The following CNTNAP5 variants were observed in gnomAD, a reference collection of about 807,000 sequenced individuals.
The protein encoded by CNTNAP5 is contactin-associated protein-like 5.
In CNTNAP5, 72 loss-of-function variants were observed where a neutral mutation model predicts 150.2. The ratio of observed to expected loss-of-function variants is 0.48; its 90% CI spans 0.40 to 0.58. The LOEUF (loss-of-function observed/expected upper bound fraction) is 0.58. Among genes scored for constraint, CNTNAP5 ranks in the 20% least tolerant of loss-of-function variants. The pLI, the probability that CNTNAP5 is intolerant of heterozygous loss-of-function variation, is 0.00. For synonymous variants in CNTNAP5, 672 were observed against 619.8 expected (o/e 1.08, Z -1.25); for missense variants, 1,636 against 1,626.2 (o/e 1.01, Z -0.10).
chr2:124,151,389 A>T (rs533347635), intron 1 of CNTNAP5, among the ~76,000 whole-genome samples: 2 of 152,226 alleles, frequency 1.3e-5, no homozygotes, highest in East Asian at 3.9e-4. Flanking sequence ...CTTCCTCATG[A>T]GCTTGCTTTC....
intron 3 of CNTNAP5, among the ~76,000 whole-genome samples, chr2:124,320,992 C>T (rs913917815): frequency 6.6e-6 from 1 of 152,122 alleles, no homozygotes; most frequent in Non-Finnish European, 1.5e-5. Flanking sequence ...AGAATGGAGT[C>T]GCTATGTTCC....
At position 124,919,434 on chromosome 2, in the gene CNTNAP5, G is replaced by A. The variant is rs561490878; in HGVS notation, c.*5146G>A. On this transcript the variant is annotated 3_prime_UTR_variant, in exon 24 of 24. Coordinates refer to ENST00000682447, the MANE Select transcript of CNTNAP5 (RefSeq NM_001367498.1). ...TGTTTATAGTCTACAAAATGGCTGA[G>A]CAGACATGAACAAAGGTTAATGCAA... Among the ~76,000 whole-genome samples, 3 of 152,222 alleles carry A rather than the reference G, an allele frequency of 2.0e-5. No homozygotes were observed. In the South Asian group the frequency reaches 6.2e-4, roughly 32 times the overall value.
At chr2:124,268,819 C>T (rs1687674983) in intron 3 of CNTNAP5, among the ~76,000 whole-genome samples, 1 of 152,170 alleles carries the variant, frequency 6.6e-6, no homozygotes, top group Non-Finnish European at 1.5e-5. Flanking sequence ...GAGAGTCCTT[C>T]ACAGGCCCAC....
intron 10 of CNTNAP5, among the ~76,000 whole-genome samples, chr2:124,550,817 A>T (rs1695611532): frequency 6.6e-6 from 1 of 152,084 alleles, no homozygotes; most frequent in Non-Finnish European, 1.5e-5. Flanking sequence ...TCCTTTGTGA[A>T]TTTTTTGATA....
intron 13 of CNTNAP5, among the ~76,000 whole-genome samples, chr2:124,711,805 C>T (rs1015176786): frequency 6.6e-6 from 1 of 152,038 alleles, no homozygotes; most frequent in Non-Finnish European, 1.5e-5. Context: ...AGTGTCACTG[C>T]GCTCCAGCAT....
At chr2:124,379,716 C>T (rs1388997236) in intron 3 of CNTNAP5, among the ~76,000 whole-genome samples, 3 of 152,106 alleles carry the variant, frequency 2.0e-5, no homozygotes, top group East Asian at 1.9e-4. Flanking sequence ...GGTCTGGCAG[C>T]GCCCTCACAA....
At chr2:124,882,921 C>T (rs561088906) in intron 21 of CNTNAP5, among the ~76,000 whole-genome samples, 1 of 152,104 alleles carries the variant, frequency 6.6e-6, no homozygotes, top group African/African-American at 2.4e-5. Context: ...TGTGAACTAA[C>T]TCACTATCAC....
At chr2:124,153,345 T>G (rs1161466803) in intron 1 of CNTNAP5, among the ~76,000 whole-genome samples, 1 of 152,156 alleles carries the variant, frequency 6.6e-6, no homozygotes, top group Non-Finnish European at 1.5e-5. Context: ...CTTGCTGGGT[T>G]CAGATGCTGA....
At chr2:124,685,762 G>GTGTGCA (rs1553431542) in intron 13 of CNTNAP5, among the ~76,000 whole-genome samples, 3 of 73,526 alleles carry the variant, frequency 4.1e-5, no homozygotes, top group Non-Finnish European at 6.9e-5. Flanking sequence ...GTGTGTGTGT[G>GTGTGCA]CGCGCGCGTG....
intron 3 of CNTNAP5, among the ~76,000 whole-genome samples, chr2:124,360,475 C>T (rs1690167690): frequency 7.1e-6 from 1 of 141,300 alleles, no homozygotes; most frequent in Non-Finnish European, 1.6e-5. Flanking sequence ...TTTAGCACTT[C>T]CTTCAGGAGC....
chr2:124,370,506 G>A (rs1317228183), intron 3 of CNTNAP5, among the ~76,000 whole-genome samples: 7 of 152,166 alleles, frequency 4.6e-5, no homozygotes, highest in Admixed American at 1.3e-4. Context: ...AACAGCTCTG[G>A]ACAGCAACTT....
rs565598083 is a variant in CNTNAP5 at position 124,489,584 on chromosome 2, A to G, written c.1062+14702A>G. ...CAGTCCACAACAATTAGACTCTGCA[A>G]ACCATCTAAAGAGCTTGTGTGAGCA... On this transcript the variant is annotated intron_variant, in intron 7 of 23. Transcript: ENST00000682447. Among the ~76,000 whole-genome samples, 60 of 152,308 alleles carry G rather than the reference A, an allele frequency of 3.9e-4. No homozygotes were observed. In the Middle Eastern group the frequency reaches 0.014, roughly 35 times the overall value.
chr2:124,236,437 C>T (rs1686748467), intron 2 of CNTNAP5, among the ~76,000 whole-genome samples: 1 of 152,180 alleles, frequency 6.6e-6, no homozygotes, highest in Non-Finnish European at 1.5e-5. Context: ...CTTGCCCAGC[C>T]ACAGGTCCTA....
At chr2:124,365,376 C>G (rs140531546) in intron 3 of CNTNAP5, among the ~76,000 whole-genome samples, 32 of 151,312 alleles carry the variant, frequency 2.1e-4, no homozygotes, top group African/African-American at 6.5e-4. Flanking sequence ...TTGCGGGAAT[C>G]TTTGCATATA....
At chr2:124,624,893 G>A (rs897329911) in intron 12 of CNTNAP5, among the ~76,000 whole-genome samples, 3 of 152,282 alleles carry the variant, frequency 2.0e-5, no homozygotes, top group African/African-American at 7.2e-5. Context: ...TAGGCACCAT[G>A]CTAGGTATTT....
intron 17 of CNTNAP5, among the ~76,000 whole-genome samples, chr2:124,788,661 C>T (rs887415655): frequency 1.3e-5 from 2 of 148,386 alleles, no homozygotes; most frequent in Non-Finnish European, 3.0e-5. Context: ...AATGCAATGG[C>T]ATGATCTCGG....
chr2:124,499,680 C>A (rs774440266), intron 7 of CNTNAP5, among the ~76,000 whole-genome samples: 3 of 152,196 alleles, frequency 2.0e-5, no homozygotes, highest in African/African-American at 4.8e-5. Context: ...ATGGGAACCA[C>A]ACTTGCCCCT....
rs554243307 is a variant in CNTNAP5 at position 124,405,755 on chromosome 2, T to G, written c.382-11688T>G. Among the ~76,000 whole-genome samples the G allele has an allele frequency of 2.6e-5, 4 of 152,352 alleles. No homozygotes were observed. In the East Asian group the frequency reaches 7.7e-4, roughly 29 times the overall value. On this transcript the variant is annotated intron_variant, in intron 3 of 23. Coordinates refer to ENST00000682447, the MANE Select transcript of CNTNAP5 (RefSeq NM_001367498.1). Reference sequence around the variant, plus strand: ...GCTTAGGTCTGCCTAGTTTAGAATTTTATATGCATGGAATCGTGCTGTTTG... The same window carrying G: ...GCTTAGGTCTGCCTAGTTTAGAATTGTATATGCATGGAATCGTGCTGTTTG...
At chr2:124,362,310 C>T (rs1216222716) in intron 3 of CNTNAP5, among the ~76,000 whole-genome samples, 1 of 152,184 alleles carries the variant, frequency 6.6e-6, no homozygotes, top group East Asian at 1.9e-4. Context: ...GGAGCTATTC[C>T]TATTCGACCA....
Sources: allele counts gnomAD v4.1 joint callset (sites outside exome capture counted in the v4.1 genomes callset), GRCh38; gene constraint gnomAD v4.1.1; transcripts MANE v1.5; gene names NCBI Gene and HGNC (gene_info 2026-07-23, HGNC 2026-07-21).